The following ECH1 variants were observed in gnomAD, a reference collection of about 807,000 sequenced individuals.
ECH1 encodes delta(3,5)-Delta(2,4)-dienoyl-CoA isomerase, mitochondrial.
Under a neutral mutation model 37.0 loss-of-function variants are expected in ECH1, and 30 were observed. The observed-to-expected ratio is 0.81, with a 90% CI of 0.61 to 1.10. The LOEUF is 1.10. Among genes scored for constraint, ECH1 ranks in the 50% least tolerant of loss-of-function variants. The pLI, the probability that ECH1 is intolerant of heterozygous loss-of-function variation, is 0.00. For synonymous variants in ECH1, 178 were observed against 176.0 expected (o/e 1.01, Z -0.09); for missense variants, 456 against 441.6 (o/e 1.03, Z -0.29).
intron 3 of ECH1, chr19:38,818,152 C>T (rs1342814991): frequency 4.5e-6 from 4 of 888,776 alleles, no homozygotes; most frequent in Middle Eastern, 5.7e-4. Flanking sequence ...GCCACCATGC[C>T]GCATCAGAAG....
intron 3 of ECH1, among the ~76,000 whole-genome samples, chr19:38,822,265 C>A (rs1425215707): frequency 6.6e-6 from 1 of 151,694 alleles, no homozygotes; most frequent in African/African-American, 2.4e-5. Context: ...TGTAAATGCA[C>A]CAATCAGCAC....
At position 38,821,421 on chromosome 19, in the gene ECH1, T is replaced by C. The variant is rs548435435; in HGVS notation, c.350-3846A>G. Among the ~76,000 whole-genome samples the C allele has an allele frequency of 2.6e-5, 4 of 152,378 alleles. No individual in the cohort carries two copies. The South Asian group carries it at 8.3e-4, about 32-fold the overall frequency. On this transcript the variant is annotated intron_variant, in intron 3 of 9. Coordinates refer to ENST00000221418, the MANE Select transcript of ECH1 (RefSeq NM_001398.3). ...ATGCTTGAGGAGCCCTTCAGCCTGCTGCTGCACTATGGGAGCCCCTCTCTG... is the reference window on the plus strand; with the variant it reads ...ATGCTTGAGGAGCCCTTCAGCCTGCCGCTGCACTATGGGAGCCCCTCTCTG...
chr19:38,821,451 G>A (rs932782440), intron 3 of ECH1, among the ~76,000 whole-genome samples: 1 of 152,238 alleles, frequency 6.6e-6, no homozygotes, highest in African/African-American at 2.4e-5. Context: ...TCTCTGGGCT[G>A]GCCAAGATCG....
chr19:38,831,695 C>T (rs1234004849), intron 1 of ECH1, 26 bp downstream of exon 1: 5 of 1,613,522 alleles, frequency 3.1e-6, no homozygotes, highest in Non-Finnish European at 4.2e-6. Context: ...GCGCGACGCA[C>T]CCCCATAAGG....
At position 38,831,374 on chromosome 19, in the gene ECH1, T is replaced by TTTCTG. The variant is rs1199740062; in HGVS notation, c.190_194dup (p.Lys65AsnfsTer19). 3 of 1,613,944 alleles carry TTTCTG rather than the reference T, an allele frequency of 1.9e-6. No individual in the cohort carries two copies. In the South Asian group the frequency reaches 3.3e-5, roughly 18 times the overall value. On this transcript the variant is annotated frameshift_variant, in exon 2 of 10. Transcript: ENST00000221418. LOFTEE classifies it high-confidence loss of function. ...GGTTGAGCTGGACATGCAGAACATG[T>TTTCTG]TTCTGCGCAGACGTCACACGAAGGG...
intron 3 of ECH1, among the ~76,000 whole-genome samples, chr19:38,824,144 G>A (rs1971704560): frequency 6.6e-6 from 1 of 152,136 alleles, no homozygotes; most frequent in Non-Finnish European, 1.5e-5. Flanking sequence ...CCCTCCCTCA[G>A]GGTATGGCCC....
At chr19:38,826,045 AG>A (rs1364701950) in intron 3 of ECH1, among the ~76,000 whole-genome samples, 1 of 152,234 alleles carries the variant, frequency 6.6e-6, no homozygotes, top group African/African-American at 2.4e-5. Flanking sequence ...ACTGTCCTCA[AG>A]GTCTGTTACC....
At chr19:38,830,018 G>A (rs184488431) in intron 3 of ECH1, among the ~76,000 whole-genome samples, 3 of 151,974 alleles carry the variant, frequency 2.0e-5, no homozygotes, top group African/African-American at 4.8e-5. Context: ...TTAGCCGGGC[G>A]TGGTGGCGGG....
chr19:38,825,047 A>C (rs1471030623), intron 3 of ECH1, among the ~76,000 whole-genome samples: 1 of 152,200 alleles, frequency 6.6e-6, no homozygotes, highest in Non-Finnish European at 1.5e-5. Flanking sequence ...TCTAGGGCAA[A>C]CTTTCGACCT....
rs561094264 is a variant in ECH1, at chr19:38,822,034, G to A, written c.350-4459C>T. Among the ~76,000 whole-genome samples the A allele has an allele frequency of 2.2e-3, 333 of 149,194 alleles. 1 individual carries two copies. Among genetic ancestry groups the A allele is most frequent in the South Asian group, 0.018 (86 of 4,670 alleles). On this transcript the variant is annotated intron_variant, in intron 3 of 9. Coordinates refer to ENST00000221418, the MANE Select transcript of ECH1 (RefSeq NM_001398.3). Reference sequence around the variant, plus strand: ...CTAATCTGGTGGGGACTTGGAGAACGTTTATGTCTAGCTAAGGGATTGTAA... The same window carrying A: ...CTAATCTGGTGGGGACTTGGAGAACATTTATGTCTAGCTAAGGGATTGTAA...
In ECH1 at chr19:38,824,421, G is replaced by A. The variant is rs149728338; in HGVS notation, c.349+6657C>T. ...GAGAAACAAAACAAACCAAAACCGC[G>A]GGTGGTTTTGTCTTTCAGATGGGAA... On this transcript the variant is annotated intron_variant, in intron 3 of 9. Coordinates refer to ENST00000221418, the MANE Select transcript of ECH1 (RefSeq NM_001398.3). Among the ~76,000 whole-genome samples the A allele has an allele frequency of 3.4e-4, 52 of 152,236 alleles. No homozygotes were observed. The East Asian group carries it at 9.5e-3, about 28-fold the overall frequency.
chr19:38,816,559 C>A lies in ECH1; in HGVS notation c.589-36G>T, dbSNP rs1308090567. On this transcript the variant is annotated intron_variant, in intron 6 of 9. Transcript: ENST00000221418. ...AATCGGGTCAGTGTTTGGTTTCTGC[C>A]CAATACTGTGCCCCTCGCAATGTCA... is the stretch of plus-strand genomic sequence containing the variant. 1.7e-5 allele frequency: 28 copies of A among 1,611,298 alleles called. No homozygotes were observed. In the East Asian group the frequency reaches 6.3e-4, roughly 36 times the overall value.
At chr19:38,827,573 G>A (rs1031260367) in intron 3 of ECH1, among the ~76,000 whole-genome samples, 3 of 152,140 alleles carry the variant, frequency 2.0e-5, no homozygotes, top group Non-Finnish European at 4.4e-5. Context: ...CGGGAAGTGA[G>A]GGGGGATATT....
chr19:38,816,031 C>CG, intron 8 of ECH1, 24 bp from the exon 9 acceptor site: 1 of 1,607,802 alleles, frequency 6.2e-7, no homozygotes, highest in African/African-American at 1.3e-5. Context: ...GATCAGGGAC[C>CG]GGGTGGGCTG....
At position 38,815,536 on chromosome 19, in the gene ECH1, C is replaced by T; in HGVS notation, c.*77G>A. 1 of 1,404,492 alleles carries T rather than the reference C, an allele frequency of 7.1e-7. No homozygotes were observed. Among genetic ancestry groups the T allele is most frequent in the Non-Finnish European group, 1.0e-6 (1 of 995,050 alleles). The allele number at this position is 1,404,492 out of a possible 1,614,324, so 87.0% of individuals were successfully genotyped here. A position where few individuals can be genotyped will look rare whatever the true frequency, so the allele number is the denominator to read the frequency against. On this transcript the variant is annotated 3_prime_UTR_variant, in exon 10 of 10. Coordinates refer to ENST00000221418, the MANE Select transcript of ECH1 (RefSeq NM_001398.3). ...GGTCAGAAGGCATAGAAACAACTGT[C>T]ATCGCCCATCCTCCCTTTCTGTGGA... is the stretch of plus-strand genomic sequence containing the variant.
chr19:38,815,467 G>C lies in ECH1; in HGVS notation c.*146C>G. On this transcript the variant is annotated 3_prime_UTR_variant, in exon 10 of 10. Coordinates refer to ENST00000221418, the MANE Select transcript of ECH1 (RefSeq NM_001398.3). ...TTTGTGGGGTGAAGATAAGGCCTTG[G>C]GCTTGAGAAACTCATTGTCATAAAG... The C allele has an allele frequency of 1.4e-6, 1 of 738,236 alleles. No individual in the cohort carries two copies. The highest frequency in any genetic ancestry group is 1.8e-5 in the South Asian group (1 of 56,516). The allele number at this position is 738,236 out of a possible 1,614,324, so 45.7% of individuals were successfully genotyped here. A position where few individuals can be genotyped will look rare whatever the true frequency, so the allele number is the denominator to read the frequency against.
intron 2 of ECH1, 42 bp downstream of exon 2, chr19:38,831,267 G>C (rs753105568): frequency 6.2e-7 from 1 of 1,606,178 alleles, no homozygotes; most frequent in Non-Finnish European, 8.5e-7. Flanking sequence ...CCGCAGCCCC[G>C]CCTCCCCCCG....
At chr19:38,826,454 A>C (rs1971739692) in intron 3 of ECH1, among the ~76,000 whole-genome samples, 1 of 152,264 alleles carries the variant, frequency 6.6e-6, no homozygotes, top group Non-Finnish European at 1.5e-5. Flanking sequence ...TTAGTAAGGA[A>C]ATGCAGCAGT....
chr19:38,830,307 T>G (rs1331833454), intron 3 of ECH1, among the ~76,000 whole-genome samples: 4 of 152,122 alleles, frequency 2.6e-5, no homozygotes, highest in Non-Finnish European at 5.9e-5. Context: ...AATTAGTGAG[T>G]TGAATAGTTG....
Sources: gnomAD v4.1 joint callset for allele counts (sites outside exome capture counted in the v4.1 genomes callset) on GRCh38, gnomAD v4.1.1 for gene constraint, MANE v1.5 for transcripts, NCBI Gene and HGNC (gene_info 2026-07-23, HGNC 2026-07-21) for gene names.